AMBRA1: variants seen among roughly 807,000 people sequenced by gnomAD.
The protein encoded by AMBRA1 is autophagy and beclin 1 regulator 1, also known as activating molecule in BECN1-regulated autophagy protein 1.
In AMBRA1, 47 loss-of-function variants were observed where a neutral mutation model predicts 125.4. That is an observed-to-expected ratio of 0.37 (90% CI 0.30 to 0.48). AMBRA1 has a LOEUF of 0.48. AMBRA1 is among the 20% of genes least tolerant of loss of function. The probability of loss-of-function intolerance (pLI) is 0.99; values close to 1 mark genes in which losing one functional copy is unlikely to be tolerated. For missense variants in AMBRA1, 1,331 were observed against 1,693.4 expected, an observed-to-expected ratio of 0.79 and a Z score of 3.76; for synonymous variants, 626 against 655.5, an observed-to-expected ratio of 0.95 and a Z score of 0.69.
At chr11:46,582,508 C>A (rs1309559405) in intron 1 of AMBRA1, among the ~76,000 whole-genome samples, 2 of 152,148 alleles carry the variant, frequency 1.3e-5, no homozygotes, top group Non-Finnish European at 2.9e-5. Context: ...GCATGGACAT[C>A]TATTTTTCCA....
At chr11:46,492,853 T>C (rs1700684637) in intron 11 of AMBRA1, among the ~76,000 whole-genome samples, 1 of 152,168 alleles carries the variant, frequency 6.6e-6, no homozygotes, top group Admixed American at 6.5e-5. Context: ...ATTGAGATCA[T>C]CCTGGCTAAC....
intron 1 of AMBRA1, among the ~76,000 whole-genome samples, chr11:46,549,816 T>C (rs1191366339): frequency 6.6e-6 from 1 of 152,020 alleles, no homozygotes; most frequent in African/African-American, 2.4e-5. Context: ...CTAGCTTTTC[T>C]TTCTTTTTTG....
intron 7 of AMBRA1, among the ~76,000 whole-genome samples, chr11:46,533,355 A>G (rs1952306234): frequency 6.6e-6 from 1 of 152,202 alleles, no homozygotes; most frequent in Admixed American, 6.5e-5. Context: ...TGAATTGACA[A>G]TAGTTTTGTA....
intron 1 of AMBRA1, among the ~76,000 whole-genome samples, chr11:46,575,534 T>G (rs2043930371): frequency 7.8e-6 from 1 of 128,648 alleles, no homozygotes; most frequent in Non-Finnish European, 1.7e-5. Context: ...TTTTTTTTTT[T>G]GAGACAGAGT....
chr11:46,578,928 G>A (rs2044068429), intron 1 of AMBRA1, among the ~76,000 whole-genome samples: 1 of 131,108 alleles, frequency 7.6e-6, no homozygotes, highest in Non-Finnish European at 1.6e-5. Context: ...TTTGAGCTTT[G>A]TCACAATTAT....
At chr11:46,490,413 T>A (rs576791819) in intron 11 of AMBRA1, among the ~76,000 whole-genome samples, 1 of 152,324 alleles carries the variant, frequency 6.6e-6, no homozygotes, top group African/African-American at 2.4e-5. Flanking sequence ...TTTTTTAATA[T>A]TTTAAAAATT....
At chr11:46,591,701 A>T (rs1302189236) in intron 1 of AMBRA1, among the ~76,000 whole-genome samples, 1 of 151,816 alleles carries the variant, frequency 6.6e-6, no homozygotes, top group African/African-American at 2.4e-5. Flanking sequence ...CTAAAAATAC[A>T]ATAAATTAGC....
chr11:46,588,692 T>C (rs902964458), intron 1 of AMBRA1, among the ~76,000 whole-genome samples: 1 of 151,344 alleles, frequency 6.6e-6, no homozygotes, highest in African/African-American at 2.4e-5. Flanking sequence ...GGAGAATCGC[T>C]TGAACCCAGG....
At chr11:46,588,613 T>G (rs1290767903) in intron 1 of AMBRA1, among the ~76,000 whole-genome samples, 2 of 142,254 alleles carry the variant, frequency 1.4e-5, no homozygotes, top group Non-Finnish European at 3.1e-5. Context: ...CCGTCTCTAC[T>G]AAAAAAAAAA....
chr11:46,567,301 ACC>A (rs1269929908), intron 1 of AMBRA1, among the ~76,000 whole-genome samples: 2 of 151,648 alleles, frequency 1.3e-5, no homozygotes, highest in Non-Finnish European at 2.9e-5. Context: ...CGAACTCCTG[ACC>A]TCTGGAGATC....
intron 1 of AMBRA1, chr11:46,591,102 TAA>T (rs1250623831): frequency 6.6e-6 from 1 of 152,192 alleles, no homozygotes; most frequent in Non-Finnish European, 1.5e-5. Flanking sequence ...AAAATATTCC[TAA>T]GATTGCTTCA....
intron 1 of AMBRA1, among the ~76,000 whole-genome samples, chr11:46,585,661 A>G (rs1204724139): frequency 6.2e-5 from 2 of 32,356 alleles, no homozygotes; most frequent in Middle Eastern, 0.019. Flanking sequence ...GCAAGACTCC[A>G]TCTCAAAAAA....
intron 7 of AMBRA1, among the ~76,000 whole-genome samples, chr11:46,520,162 C>T (rs1040183099): frequency 3.3e-5 from 5 of 149,764 alleles, no homozygotes; most frequent in Admixed American, 1.3e-4. Flanking sequence ...AAAAAAATTA[C>T]GAGGCTCCTA....
At chr11:46,557,873 G>A (rs905286278) in intron 1 of AMBRA1, among the ~76,000 whole-genome samples, 1 of 152,124 alleles carries the variant, frequency 6.6e-6, no homozygotes, top group Non-Finnish European at 1.5e-5. Flanking sequence ...TGGAGAGGCC[G>A]AGGCAAGAGA....
At chr11:46,431,967 T>C (rs1947473081) in intron 14 of AMBRA1, among the ~76,000 whole-genome samples, 1 of 152,224 alleles carries the variant, frequency 6.6e-6, no homozygotes, top group Non-Finnish European at 1.5e-5. Flanking sequence ...TGGGACATGA[T>C]GTTATGTTAC....
chr11:46,543,962 T>C lies in AMBRA1; in HGVS notation c.618+13A>G, dbSNP rs1447743666. ...ACAGTTTAGCTGGAATTGGAACTGC[T>C]GGACTAACTTACCTGTTGATTAGAG... On this transcript the variant is annotated intron_variant, in intron 6 of 17. Transcript: ENST00000683756. 6.2e-7 allele frequency: 1 copy of C among 1,609,882 alleles called. No homozygotes were observed. The highest frequency in any genetic ancestry group is 1.7e-5 in the Admixed American group (1 of 59,766).
At chr11:46,548,188 G>A in intron 2 of AMBRA1, 58 bp downstream of exon 2, 1 of 1,607,762 alleles carries the variant, frequency 6.2e-7, no homozygotes, top group South Asian at 1.1e-5. Flanking sequence ...CCCATTCTAA[G>A]GTCTCATTCT....
At chr11:46,422,731 G>A (rs1057118548) in intron 14 of AMBRA1, among the ~76,000 whole-genome samples, 3 of 151,830 alleles carry the variant, frequency 2.0e-5, no homozygotes, top group Non-Finnish European at 4.4e-5. Context: ...AGCAGCAAAC[G>A]GCACTGTTCA....
At chr11:46,557,730 C>T (rs2043201068) in intron 1 of AMBRA1, among the ~76,000 whole-genome samples, 1 of 152,168 alleles carries the variant, frequency 6.6e-6, no homozygotes, top group Admixed American at 6.5e-5. Context: ...ATAGCCTGAG[C>T]CCAGGAGGTC....
Sources: allele counts gnomAD v4.1 joint callset (sites outside exome capture counted in the v4.1 genomes callset), GRCh38; gene constraint gnomAD v4.1.1; transcripts MANE v1.5; gene names NCBI Gene and HGNC (gene_info 2026-07-23, HGNC 2026-07-21).